Variants in CACNB4 observed in about 807,000 individuals in gnomAD.
CACNB4 encodes voltage-dependent L-type calcium channel subunit beta-4.
A neutral mutation model predicts 71.2 loss-of-function variants in CACNB4; 32 were observed. That is an observed-to-expected ratio of 0.45 (90% CI 0.34 to 0.60). The LOEUF is 0.60. Ranked by LOEUF, CACNB4 falls within the 20% of genes least tolerant of loss-of-function variation. The pLI is 0.01. For synonymous variants in CACNB4, 231 were observed against 236.9 expected (o/e 0.97, Z 0.23); for missense variants, 464 against 647.9 (o/e 0.72, Z 3.08).
At chr2:151,876,372 A>G in intron 5 of CACNB4, 54 bp downstream of exon 5, 1 of 1,526,504 alleles carries the variant, frequency 6.6e-7, no homozygotes, top group East Asian at 2.3e-5. Flanking sequence ...ACCCTTGAAA[A>G]TATCACCCAA....
intron 2 of CACNB4, among the ~76,000 whole-genome samples, chr2:152,052,524 C>T (rs1685496186): frequency 1.3e-5 from 2 of 152,132 alleles, no homozygotes; most frequent in Admixed American, 6.5e-5. Context: ...GAACTCCTGA[C>T]CTCAGGTGAT....
chr2:152,029,126 T>C (rs1684124399), intron 2 of CACNB4, among the ~76,000 whole-genome samples: 1 of 152,036 alleles, frequency 6.6e-6, no homozygotes, highest in African/African-American at 2.4e-5. Context: ...TGGGAGGTAA[T>C]TAGATTTAGA....
chr2:151,907,125 A>G (rs555094192), intron 2 of CACNB4, among the ~76,000 whole-genome samples: 1 of 152,252 alleles, frequency 6.6e-6, no homozygotes, highest in Admixed American at 6.5e-5. Flanking sequence ...ATGAGAAAAC[A>G]TGGAAATGAG....
chr2:152,044,039 C>T (rs1272194097), intron 2 of CACNB4, among the ~76,000 whole-genome samples: 2 of 152,018 alleles, frequency 1.3e-5, no homozygotes, highest in African/African-American at 4.8e-5. Flanking sequence ...GACCCTGTCT[C>T]TTAAAAATTT....
At chr2:152,056,612 T>C (rs1685744050) in intron 2 of CACNB4, among the ~76,000 whole-genome samples, 1 of 152,184 alleles carries the variant, frequency 6.6e-6, no homozygotes, top group Non-Finnish European at 1.5e-5. Flanking sequence ...AGGCAATTAA[T>C]AGACTCTACC....
At chr2:151,872,878 T>C (rs2099844998) in intron 5 of CACNB4, 1 of 161,532 alleles carries the variant, frequency 6.2e-6, no homozygotes, top group Non-Finnish European at 1.3e-5. Flanking sequence ...TCTTACAAGA[T>C]GATTATGTGG....
At chr2:152,092,746 C>T (rs1456294053) in intron 2 of CACNB4, among the ~76,000 whole-genome samples, 1 of 151,842 alleles carries the variant, frequency 6.6e-6, no homozygotes, top group African/African-American at 2.4e-5. Context: ...GTAGTCCACC[C>T]TTAACCGTGG....
At chr2:151,857,331 T>G (rs1343031548) in intron 10 of CACNB4, 1 of 152,230 alleles carries the variant, frequency 6.6e-6, no homozygotes, top group Non-Finnish European at 1.5e-5. Context: ...CTTTTCATGT[T>G]ATCCAATACC....
chr2:152,009,061 C>T (rs1008703354), intron 2 of CACNB4, among the ~76,000 whole-genome samples: 7 of 152,030 alleles, frequency 4.6e-5, no homozygotes, highest in African/African-American at 1.7e-4. Flanking sequence ...CATGGTGGCT[C>T]ACACCTTTAA....
chr2:152,082,168 C>A (rs1177648891), intron 2 of CACNB4, among the ~76,000 whole-genome samples: 1 of 152,222 alleles, frequency 6.6e-6, no homozygotes, highest in Non-Finnish European at 1.5e-5. Flanking sequence ...CCTTGACAGC[C>A]CACTCTATTC....
At chr2:151,950,557 G>T (rs1438972040) in intron 2 of CACNB4, among the ~76,000 whole-genome samples, 1 of 152,106 alleles carries the variant, frequency 6.6e-6, no homozygotes, top group African/African-American at 2.4e-5. Context: ...ATCACCAAAA[G>T]GTTGAACAAA....
At chr2:152,048,505 A>C (rs60172052) in intron 2 of CACNB4, 8,892 of 152,302 alleles carry the variant, frequency 0.058, 891 homozygotes, top group East Asian at 0.45. Flanking sequence ...AAGGGAGAGA[A>C]TAAAAAGTAC....
At chr2:152,013,591 A>AG (rs1683181074) in intron 2 of CACNB4, among the ~76,000 whole-genome samples, 1 of 152,114 alleles carries the variant, frequency 6.6e-6, no homozygotes, top group Non-Finnish European at 1.5e-5. Flanking sequence ...GGGGATACGC[A>AG]GGGGGCCAAA....
chr2:151,898,251 T>C (rs1164262313), intron 2 of CACNB4, among the ~76,000 whole-genome samples: 1 of 152,238 alleles, frequency 6.6e-6, no homozygotes, highest in Non-Finnish European at 1.5e-5. Context: ...CCTGACCTGC[T>C]GTCTCCTCTG....
At chr2:151,900,991 CTTTT>C (rs869114252) in intron 2 of CACNB4, among the ~76,000 whole-genome samples, 2 of 9,030 alleles carry the variant, frequency 2.2e-4, no homozygotes, top group Admixed American at 1.5e-3. Flanking sequence ...TTCTTTCTTT[CTTTT>C]TTTTTTTTTT....
chr2:151,945,135 A>G (rs1463960921), intron 2 of CACNB4, among the ~76,000 whole-genome samples: 2 of 152,232 alleles, frequency 1.3e-5, no homozygotes, highest in Non-Finnish European at 2.9e-5. Flanking sequence ...CGGTGTCTCA[A>G]TGTATTTGTT....
chr2:151,894,754 T>G (rs905229949), intron 2 of CACNB4, among the ~76,000 whole-genome samples: 5 of 152,166 alleles, frequency 3.3e-5, no homozygotes, highest in Non-Finnish European at 7.3e-5. Context: ...AGTGTTTCTA[T>G]ACACCAATAA....
chr2:151,870,130 T>C (rs1042181231), intron 8 of CACNB4: 4 of 619,314 alleles, frequency 6.5e-6, no homozygotes, highest in Non-Finnish European at 1.2e-5. Context: ...GTGAACTCTG[T>C]TTGGGCTTTA....
chr2:151,947,767 G>A (rs376602175), intron 2 of CACNB4, among the ~76,000 whole-genome samples: 5 of 152,134 alleles, frequency 3.3e-5, no homozygotes, highest in African/African-American at 4.8e-5. Context: ...CACCTGCCCC[G>A]GAGCCCAGCA....
Sources: gnomAD v4.1 joint callset for allele counts (sites outside exome capture counted in the v4.1 genomes callset) on GRCh38, gnomAD v4.1.1 for gene constraint, MANE v1.5 for transcripts, NCBI Gene and HGNC (gene_info 2026-07-23, HGNC 2026-07-21) for gene names.